The following RNF20 variants were observed in gnomAD, a reference collection of about 807,000 sequenced individuals.
RNF20 encodes the protein E3 ubiquitin-protein ligase BRE1A.
RNF20 carries 84 observed loss-of-function variants against 126.2 expected under a neutral mutation model. The ratio of observed to expected loss-of-function variants is 0.67; its 90% CI spans 0.56 to 0.80. The LOEUF (loss-of-function observed/expected upper bound fraction) is 0.80. RNF20 is among the 30% of genes least tolerant of loss of function. The pLI is 0.00. For synonymous variants in RNF20, 400 were observed against 414.3 expected (o/e 0.97, Z 0.42); for missense variants, 869 against 1,188.2 (o/e 0.73, Z 3.95).
rs1407691272 is a variant in RNF20 at position 101,535,557 on chromosome 9, G to A, written c.129+5G>A. The A allele has an allele frequency of 1.2e-6, 2 of 1,605,216 alleles. No individual in the cohort carries two copies. The highest frequency in any genetic ancestry group is 1.3e-5 in the African/African-American group (1 of 74,376). On this transcript the variant is annotated splice_donor_5th_base_variant and intron_variant, in intron 2 of 19. Coordinates refer to ENST00000389120, the MANE Select transcript of RNF20 (RefSeq NM_019592.7). ...CTAGGAGGTGTCTCTTCAACGGTATGAGGAAACAGTGCCATGAAAGTGTGC... is the reference window on the plus strand; with the variant it reads ...CTAGGAGGTGTCTCTTCAACGGTATAAGGAAACAGTGCCATGAAAGTGTGC...
chr9:101,557,319 TC>T, intron 15 of RNF20, 64 bp from the exon 16 acceptor site: 1 of 1,223,732 alleles, frequency 8.2e-7, no homozygotes, highest in East Asian at 2.4e-5. Context: ...AAATTTAGTT[TC>T]CTGTGCTCTT....
At chr9:101,556,092 A>G (rs1052212193) in intron 15 of RNF20, among the ~76,000 whole-genome samples, 7 of 152,158 alleles carry the variant, frequency 4.6e-5, no homozygotes, top group Non-Finnish European at 1.5e-5. Flanking sequence ...AAAGAAAGAC[A>G]CTATGTTCTT....
At chr9:101,546,997 A>G in intron 7 of RNF20, 31 bp downstream of exon 7, 6 of 1,613,208 alleles carry the variant, frequency 3.7e-6, no homozygotes, top group Non-Finnish European at 5.1e-6. Flanking sequence ...TGGAGACTAG[A>G]ATCATTTTAA....
At chr9:101,557,338 A>C in intron 15 of RNF20, 46 bp from the exon 16 acceptor site, 5 of 1,388,186 alleles carry the variant, frequency 3.6e-6, no homozygotes, top group Non-Finnish European at 5.1e-6. Flanking sequence ...CTTCCATTGA[A>C]GTTGGAAGAT....
At chr9:101,554,201 T>A in intron 14 of RNF20, 96 bp downstream of exon 14, 1 of 709,348 alleles carries the variant, frequency 1.4e-6, no homozygotes, top group Non-Finnish European at 2.4e-6. Context: ...TTTCTTTATC[T>A]TTAAAATAAG....
Position 101,557,562 on chromosome 9 carries a change from A to G in RNF20, c.2348A>G (p.Glu783Gly). Residue 783 changes from glutamate (E) to glycine (G), a missense_variant, in exon 16 of 20, where the codon GAG becomes GGG. Transcript: ENST00000389120. Reference sequence around the variant, plus strand: ...AAGTTGCTTAAAGAAGAGAAGGAGGAGCTGGCAGACCAGGTGTTGACTCTG... The same window carrying G: ...AAGTTGCTTAAAGAAGAGAAGGAGGGGCTGGCAGACCAGGTGTTGACTCTG... ...IHKLLKEEKE[E>G]LADQVLTLKT... 6.2e-7 allele frequency: 1 copy of G among 1,613,972 alleles called. No individual in the cohort carries two copies. The highest frequency in any genetic ancestry group is 8.5e-7 in the Non-Finnish European group (1 of 1,179,870).
chr9:101,561,625 T>C (rs1827629559), intron 18 of RNF20, among the ~76,000 whole-genome samples: 3 of 152,200 alleles, frequency 2.0e-5, no homozygotes, highest in African/African-American at 7.2e-5. Flanking sequence ...TTAAAACTAA[T>C]TACTATAAAA....
intron 15 of RNF20, among the ~76,000 whole-genome samples, chr9:101,555,481 A>G (rs1045306265): frequency 4.6e-5 from 7 of 152,136 alleles, no homozygotes; most frequent in East Asian, 3.8e-4. Flanking sequence ...ATTCAATAAT[A>G]AAGATACTGA....
chr9:101,538,835 A>T (rs754016518), intron 2 of RNF20, among the ~76,000 whole-genome samples: 34 of 152,350 alleles, frequency 2.2e-4, no homozygotes, highest in Non-Finnish European at 4.8e-4. Context: ...TCAGAAAAGT[A>T]AGACTATTTT....
rs563136644 is a variant in RNF20, at chr9:101,562,311, T to C, written c.2817T>C (p.His939=). 2.4e-5 allele frequency: 39 copies of C among 1,614,002 alleles called. No homozygotes were observed. The South Asian group carries it at 4.0e-4, about 16-fold the overall frequency. Residue 939 remains histidine (H), a synonymous_variant, in exon 20 of 20, where the codon CAT becomes CAC. Coordinates refer to ENST00000389120, the MANE Select transcript of RNF20 (RefSeq NM_019592.7). The part of the protein sequence containing the change: ...KKDAVLTKCF[H]VFCFECVKTR... ...ATGCTGTTCTTACTAAGTGTTTTCA[T>C]GTCTTCTGCTTTGAGTGTGTGAAGA...
intron 5 of RNF20, among the ~76,000 whole-genome samples, chr9:101,544,165 A>G (rs1827309639): frequency 6.6e-6 from 1 of 152,232 alleles, no homozygotes; most frequent in Non-Finnish European, 1.5e-5. Context: ...AATAAGTTCT[A>G]TGGATTTACC....
Position 101,540,652 on chromosome 9 carries a change from T to TG in RNF20, c.445+17dup. 6.2e-7 allele frequency: 1 copy of TG among 1,613,922 alleles called. No individual in the cohort carries two copies. The highest frequency in any genetic ancestry group is 8.5e-7 in the Non-Finnish European group (1 of 1,179,906). On this transcript the variant is annotated intron_variant, in intron 4 of 19. Transcript: ENST00000389120. Reference sequence around the variant, plus strand: ...CCGAGAGAGAGGCAAGTGTTCGTGATGGATTCTATCACTGCATGCTATCTG... The same window carrying TG: ...CCGAGAGAGAGGCAAGTGTTCGTGATGGGATTCTATCACTGCATGCTATCTG...
intron 16 of RNF20, 115 bp from the exon 17 acceptor site, chr9:101,560,686 T>C: frequency 1.0e-6 from 1 of 996,746 alleles, no homozygotes; most frequent in Non-Finnish European, 1.4e-6. Flanking sequence ...GCAAAATCAG[T>C]AATAGTTTGA....
chr9:101,537,435 T>C (rs149611281), intron 2 of RNF20, among the ~76,000 whole-genome samples: 93 of 152,296 alleles, frequency 6.1e-4, no homozygotes, highest in African/African-American at 1.8e-3. Context: ...TTGGGACATA[T>C]AAGTTTGAGA....
intron 6 of RNF20, among the ~76,000 whole-genome samples, chr9:101,545,620 G>C (rs1827334699): frequency 6.6e-6 from 1 of 152,190 alleles, no homozygotes; most frequent in South Asian, 2.1e-4. Flanking sequence ...TAAGGTCCAT[G>C]CTGGCCTGGT....
intron 10 of RNF20, among the ~76,000 whole-genome samples, chr9:101,551,479 T>G (rs1003495744): frequency 1.2e-4 from 18 of 152,196 alleles, no homozygotes; most frequent in Non-Finnish European, 2.9e-5. Flanking sequence ...AGTTTAGTTC[T>G]CCAACTAAAT....
chr9:101,556,371 A>C (rs1827530084), intron 15 of RNF20, among the ~76,000 whole-genome samples: 1 of 152,214 alleles, frequency 6.6e-6, no homozygotes, highest in South Asian at 2.1e-4. Context: ...AACTGAATAG[A>C]AACTTGAGAA....
chr9:101,544,907 A>C, intron 6 of RNF20, 22 bp downstream of exon 6: 1 of 1,444,230 alleles, frequency 6.9e-7, no homozygotes, highest in South Asian at 1.1e-5. Context: ...AAAAGGAGAG[A>C]TGGCTGTGTC....
chr9:101,546,065 T>G (rs1330446060), intron 6 of RNF20, among the ~76,000 whole-genome samples: 2 of 152,174 alleles, frequency 1.3e-5, no homozygotes, highest in African/African-American at 4.8e-5. Flanking sequence ...TGATATAGCC[T>G]CAAAATTGTG....
Sources: gnomAD v4.1 joint callset for allele counts (sites outside exome capture counted in the v4.1 genomes callset) on GRCh38, gnomAD v4.1.1 for gene constraint, MANE v1.5 for transcripts, NCBI Gene and HGNC (gene_info 2026-07-23, HGNC 2026-07-21) for gene names.